CTDSPL: variants seen among roughly 807,000 people sequenced by gnomAD.
The protein encoded by CTDSPL is CTD small phosphatase-like protein.
Under a neutral mutation model 30.5 loss-of-function variants are expected in CTDSPL, and 8 were observed. The ratio of observed to expected loss-of-function variants is 0.26; its 90% CI spans 0.15 to 0.47. The LOEUF (loss-of-function observed/expected upper bound fraction) is 0.47, where lower values mean the gene tolerates loss of function less well. Among genes scored for constraint, CTDSPL ranks in the 20% least tolerant of loss-of-function variants. The pLI, the probability that CTDSPL is intolerant of heterozygous loss-of-function variation, is 0.99. For synonymous variants in CTDSPL, 110 were observed against 137.9 expected, an observed-to-expected ratio of 0.80 and a Z score of 1.42; for missense variants, 248 against 366.1, an observed-to-expected ratio of 0.68 and a Z score of 2.63.
chr3:37,902,269 A>G (rs1006548033), intron 1 of CTDSPL, among the ~76,000 whole-genome samples: 4 of 152,142 alleles, frequency 2.6e-5, no homozygotes, highest in Admixed American at 2.0e-4. Context: ...AAGTCATTGC[A>G]TTTCTTTGAA....
intron 1 of CTDSPL, among the ~76,000 whole-genome samples, chr3:37,891,853 A>G (rs1002184822): frequency 3.3e-5 from 5 of 152,160 alleles, no homozygotes; most frequent in African/African-American, 9.7e-5. Context: ...ATCTGTCTGT[A>G]CAGCTTTGTA....
chr3:37,868,784 T>C (rs1368482869), intron 1 of CTDSPL, among the ~76,000 whole-genome samples: 1 of 152,102 alleles, frequency 6.6e-6, no homozygotes, highest in Non-Finnish European at 1.5e-5. Flanking sequence ...CCCCTGCCTA[T>C]ACTATATAAT....
chr3:37,952,736 AT>A (rs1422943419), intron 2 of CTDSPL, among the ~76,000 whole-genome samples: 6 of 152,246 alleles, frequency 3.9e-5, no homozygotes, highest in Non-Finnish European at 2.9e-5. Context: ...CAGGGGAGGA[AT>A]TTAGCCCAGC....
chr3:37,917,418 T>C (rs563037394), intron 1 of CTDSPL, among the ~76,000 whole-genome samples: 2 of 152,374 alleles, frequency 1.3e-5, no homozygotes, highest in East Asian at 3.9e-4. Context: ...TTAATATTTA[T>C]GGCACATCTT....
At chr3:37,876,138 A>G (rs1400016640) in intron 1 of CTDSPL, among the ~76,000 whole-genome samples, 1 of 152,080 alleles carries the variant, frequency 6.6e-6, no homozygotes, top group African/African-American at 2.4e-5. Flanking sequence ...TCACCACTTT[A>G]GGAGGATGAG....
intron 6 of CTDSPL, among the ~76,000 whole-genome samples, chr3:37,973,942 T>A (rs1286831021): frequency 6.6e-6 from 1 of 152,208 alleles, no homozygotes; most frequent in Non-Finnish European, 1.5e-5. Flanking sequence ...CTTTTTCCAT[T>A]TAGAGCAAGC....
intron 7 of CTDSPL, among the ~76,000 whole-genome samples, chr3:37,977,997 T>C (rs777943134): frequency 3.9e-5 from 6 of 152,232 alleles, no homozygotes; most frequent in South Asian, 2.1e-4. Context: ...CTTTTAAAGA[T>C]TTAAAATTCA....
In CTDSPL at chr3:37,862,941, A is replaced by G. The variant is rs796393296; in HGVS notation, c.79+663A>G. Among the ~76,000 whole-genome samples, 8 of 152,176 alleles carry G rather than the reference A, an allele frequency of 5.3e-5. No homozygotes were observed. Among genetic ancestry groups the G allele is most frequent in the African/African-American group, 1.9e-4 (8 of 41,434 alleles). ...CTACTGGGAGGGCGTGTGTGTGTGT[A>G]AATTGTATACAATGAGGCTGTGTGC... On this transcript the variant is annotated intron_variant, in intron 1 of 7. Transcript: ENST00000273179. This position sits in a 1 kb window ranked among gnomAD's most constrained non-coding sequence, Gnocchi z 4.3.
At chr3:37,953,021 CAA>C (rs1340806180) in intron 2 of CTDSPL, among the ~76,000 whole-genome samples, 2 of 152,128 alleles carry the variant, frequency 1.3e-5, no homozygotes, top group Non-Finnish European at 2.9e-5. Context: ...ATTTTTAAAA[CAA>C]GTGAAATTAA....
intron 1 of CTDSPL, among the ~76,000 whole-genome samples, chr3:37,890,725 C>G (rs1698314952): frequency 6.6e-6 from 1 of 152,172 alleles, no homozygotes. Context: ...TGAGGCTCCT[C>G]CTCACAGGAT....
intron 1 of CTDSPL, among the ~76,000 whole-genome samples, chr3:37,883,444 C>T (rs1698230391): frequency 6.6e-6 from 1 of 152,196 alleles, no homozygotes; most frequent in Admixed American, 6.5e-5. Flanking sequence ...TTTTCATTGA[C>T]CTCTAACTAA....
chr3:37,969,040 C>T (rs555783928), intron 5 of CTDSPL, among the ~76,000 whole-genome samples: 2 of 152,196 alleles, frequency 1.3e-5, no homozygotes, highest in Non-Finnish European at 2.9e-5. Flanking sequence ...AGAGCCAAAA[C>T]GGCAGGCACT....
chr3:37,901,378 G>A (rs545062806), intron 1 of CTDSPL, among the ~76,000 whole-genome samples: 37 of 152,226 alleles, frequency 2.4e-4, no homozygotes, highest in South Asian at 8.3e-4. Context: ...GGGAATGGTA[G>A]TCCATCTCAT....
intron 1 of CTDSPL, among the ~76,000 whole-genome samples, chr3:37,916,858 A>C (rs1698655607): frequency 6.6e-6 from 1 of 152,180 alleles, no homozygotes; most frequent in Non-Finnish European, 1.5e-5. Flanking sequence ...GCAGGAGGAC[A>C]GGTGATGCTA....
intron 4 of CTDSPL, among the ~76,000 whole-genome samples, chr3:37,966,358 T>G (rs1699298347): frequency 6.6e-6 from 1 of 152,268 alleles, no homozygotes; most frequent in South Asian, 2.1e-4. Flanking sequence ...TTCGAAAATG[T>G]ACATTTGTAC....
chr3:37,917,865 C>G (rs978453456), intron 1 of CTDSPL, among the ~76,000 whole-genome samples: 1 of 152,086 alleles, frequency 6.6e-6, no homozygotes, highest in Non-Finnish European at 1.5e-5. Flanking sequence ...CAGCAGATAT[C>G]GGAGAAAATT....
At chr3:37,879,299 T>G (rs537784271) in intron 1 of CTDSPL, among the ~76,000 whole-genome samples, 1 of 152,344 alleles carries the variant, frequency 6.6e-6, no homozygotes, top group South Asian at 2.1e-4. Context: ...GGCCAAAGAC[T>G]GGACAAGTGG....
chr3:37,983,161 G>C lies in CTDSPL; in HGVS notation c.*2294G>C, dbSNP rs1375735918. 6.6e-6 allele frequency: 1 copy of C among 152,638 alleles called. No homozygotes were observed. Among genetic ancestry groups the C allele is most frequent in the South Asian group, 2.1e-4 (1 of 4,854 alleles). The allele number at this position is 152,638 out of a possible 1,614,324, so 9.5% of individuals were successfully genotyped here. ...GCCCAGCTCCTGCACCACGGACACA[G>C]AATGTCTGGAGAGGGCCAGCAGGCC... On this transcript the variant is annotated 3_prime_UTR_variant, in exon 8 of 8. Transcript: ENST00000273179.
chr3:37,889,369 C>A (rs1433227966), intron 1 of CTDSPL, among the ~76,000 whole-genome samples: 1 of 152,016 alleles, frequency 6.6e-6, no homozygotes, highest in African/African-American at 2.4e-5. Context: ...AGAAGGAGAT[C>A]TTGGAAAATA....
Sources: gnomAD v4.1 joint callset for allele counts (sites outside exome capture counted in the v4.1 genomes callset) on GRCh38, gnomAD v4.1.1 for gene constraint, Gnocchi (gnomAD v3.1) non-coding constraint, MANE v1.5 for transcripts, NCBI Gene and HGNC (gene_info 2026-07-23, HGNC 2026-07-21) for gene names.